The following MEGF9 variants were observed in gnomAD, a reference collection of about 807,000 sequenced individuals.
The protein encoded by MEGF9 is multiple EGF like domains 9.
In MEGF9, 6 loss-of-function variants were observed where a neutral mutation model predicts 46.8. That is an observed-to-expected ratio of 0.13 (90% CI 0.07 to 0.25). The LOEUF (loss-of-function observed/expected upper bound fraction) is 0.25. Among genes scored for constraint, MEGF9 ranks in the 10% least tolerant of loss-of-function variants. The pLI, the probability that MEGF9 is intolerant of heterozygous loss-of-function variation, is 1.00. For missense variants in MEGF9, 683 were observed against 792.4 expected (o/e 0.86, Z 1.66); for synonymous variants, 302 against 330.7 (o/e 0.91, Z 0.94).
At position 120,607,906 on chromosome 9, in the gene MEGF9, T is replaced by C. The variant is rs372412916; in HGVS notation, c.1192A>G (p.Arg398Gly). Residue 398 changes from arginine to glycine, a missense_variant, in exon 5 of 6, where the codon AGA (arginine) becomes GGA (glycine). This residue lies in a region of MEGF9 where 313 missense variants were observed against 421.1 expected (regional missense o/e 0.74). Coordinates refer to ENST00000373930, the MANE Select transcript of MEGF9 (RefSeq NM_001080497.3). ...NGYYNFDSIC[R>G]KCQCHGHVDP... ...ACATGGCCGTGACATTGGCACTTTC[T>C]ACAGATGCTGTCAAAATTGTAATAG... 3.7e-6 allele frequency: 6 copies of C among 1,613,934 alleles called. No homozygotes were observed. Among genetic ancestry groups the C allele is most frequent in the Non-Finnish European group, 5.1e-6 (6 of 1,179,900 alleles).
chr9:120,641,853 T>C (rs947776348), intron 2 of MEGF9, among the ~76,000 whole-genome samples: 1 of 152,126 alleles, frequency 6.6e-6, no homozygotes, highest in African/African-American at 2.4e-5. Context: ...AAGAAGAGGG[T>C]ACTTAAGGCA....
chr9:120,713,317 GA>G (rs2043961388), intron 1 of MEGF9, among the ~76,000 whole-genome samples: 1 of 152,154 alleles, frequency 6.6e-6, no homozygotes, highest in Non-Finnish European at 1.5e-5. Flanking sequence ...TAAACAAGAA[GA>G]AATGAACAGG....
chr9:120,711,670 G>T (rs867800425), intron 1 of MEGF9, among the ~76,000 whole-genome samples: 2 of 152,188 alleles, frequency 1.3e-5, no homozygotes, highest in South Asian at 4.2e-4. Flanking sequence ...GAATTACACA[G>T]ATTTATTTAT....
chr9:120,670,395 C>T (rs1001983528), intron 1 of MEGF9, among the ~76,000 whole-genome samples: 1 of 152,208 alleles, frequency 6.6e-6, no homozygotes, highest in Non-Finnish European at 1.5e-5. Context: ...CCGTGCCCGG[C>T]CTCTAAAAGT....
At chr9:120,663,485 T>G (rs2043711688) in intron 1 of MEGF9, among the ~76,000 whole-genome samples, 1 of 151,968 alleles carries the variant, frequency 6.6e-6, no homozygotes, top group African/African-American at 2.4e-5. Context: ...GGTGGCAATA[T>G]GAAAAAGAAG....
At chr9:120,614,259 G>C (rs1034972002) in intron 3 of MEGF9, among the ~76,000 whole-genome samples, 1 of 152,178 alleles carries the variant, frequency 6.6e-6, no homozygotes, top group Non-Finnish European at 1.5e-5. Flanking sequence ...CTGACCTCAA[G>C]TGATGCGCCC....
At chr9:120,660,567 C>T (rs1483929495) in intron 1 of MEGF9, among the ~76,000 whole-genome samples, 1 of 152,120 alleles carries the variant, frequency 6.6e-6, no homozygotes, top group Admixed American at 6.5e-5. Flanking sequence ...TTCCTCCCCA[C>T]CACACCCCTG....
intron 5 of MEGF9, among the ~76,000 whole-genome samples, chr9:120,606,705 G>A (rs927130962): frequency 3.3e-5 from 5 of 152,094 alleles, no homozygotes; most frequent in African/African-American, 9.7e-5. Context: ...ACTTTGCTGA[G>A]TTCTTGGGAA....
intron 1 of MEGF9, among the ~76,000 whole-genome samples, chr9:120,682,764 G>A (rs546766423): frequency 6.6e-6 from 1 of 152,076 alleles, no homozygotes; most frequent in Admixed American, 6.5e-5. Context: ...TTTATTTTTT[G>A]TAGAGACAGG....
chr9:120,667,890 T>C (rs1387130761), intron 1 of MEGF9, among the ~76,000 whole-genome samples: 4 of 152,150 alleles, frequency 2.6e-5, no homozygotes, highest in Non-Finnish European at 5.9e-5. Context: ...TCAGGCATGG[T>C]GGCATGTGCC....
At chr9:120,688,364 G>A (rs1372841777) in intron 1 of MEGF9, among the ~76,000 whole-genome samples, 1 of 152,162 alleles carries the variant, frequency 6.6e-6, no homozygotes, top group East Asian at 1.9e-4. Flanking sequence ...AGAAACAGTA[G>A]TGCTAACAGC....
At chr9:120,662,661 T>G (rs1300882123) in intron 1 of MEGF9, among the ~76,000 whole-genome samples, 1 of 152,264 alleles carries the variant, frequency 6.6e-6, no homozygotes, top group Admixed American at 6.5e-5. Context: ...AAGCTGGAAG[T>G]GCTTTGGAGT....
intron 1 of MEGF9, among the ~76,000 whole-genome samples, chr9:120,677,648 G>T (rs913224711): frequency 1.3e-5 from 2 of 152,112 alleles, no homozygotes; most frequent in Admixed American, 6.5e-5. Context: ...TTATTCAAAT[G>T]CACTCTCATA....
At chr9:120,621,893 G>A (rs190703260) in intron 3 of MEGF9, among the ~76,000 whole-genome samples, 264 of 142,108 alleles carry the variant, frequency 1.9e-3, no homozygotes, top group African/African-American at 7.8e-3. Flanking sequence ...CTATTTCTTG[G>A]TCAGAGCCTA....
intron 2 of MEGF9, among the ~76,000 whole-genome samples, chr9:120,638,967 C>G (rs1415261081): frequency 2.0e-5 from 3 of 152,170 alleles, no homozygotes; most frequent in African/African-American, 7.2e-5. Context: ...AGGTGTGCAC[C>G]ACCATGCCCA....
chr9:120,625,438 G>A (rs77471140), intron 2 of MEGF9, among the ~76,000 whole-genome samples: 2,921 of 152,190 alleles, frequency 0.019, 109 homozygotes, highest in African/African-American at 0.068. Context: ...GACATCACAG[G>A]GAATTGAAGC....
At position 120,714,406 on chromosome 9, in the gene MEGF9, G is replaced by T. The variant is rs1006428513; in HGVS notation, c.-48C>A. The T allele has an allele frequency of 2.4e-6, 3 of 1,242,502 alleles. No individual in the cohort carries two copies. The South Asian group carries it at 8.0e-5, about 33-fold the overall frequency. 77.0% of individuals were successfully genotyped at this position (1,242,502 alleles called of 1,614,324 possible). ...AGTCATCTTCTCCTCGTTGCAATCC[G>T]ACCAAGGAAGCCTCCGCAACCGCCG... On this transcript the variant is annotated 5_prime_UTR_variant, in exon 1 of 6. Coordinates refer to ENST00000373930, the MANE Select transcript of MEGF9 (RefSeq NM_001080497.3).
intron 1 of MEGF9, among the ~76,000 whole-genome samples, chr9:120,667,843 T>C (rs1416631880): frequency 6.6e-6 from 1 of 152,182 alleles, no homozygotes. Context: ...CTGGCCAATA[T>C]GGCAAAACCC....
At chr9:120,701,217 C>G (rs1157208714) in intron 1 of MEGF9, among the ~76,000 whole-genome samples, 2 of 151,912 alleles carry the variant, frequency 1.3e-5, no homozygotes, top group African/African-American at 2.4e-5. Context: ...CTCATCTCTT[C>G]TTTTTGCTCA....
Sources: allele counts gnomAD v4.1 joint callset (sites outside exome capture counted in the v4.1 genomes callset), GRCh38; gene constraint gnomAD v4.1.1; regional missense constraint gnomAD v4.1.1; transcripts MANE v1.5; gene names NCBI Gene and HGNC (gene_info 2026-07-23, HGNC 2026-07-21).